The following IL2 variants were observed in gnomAD, a reference collection of about 807,000 sequenced individuals.
IL2 encodes the protein interleukin-2.
A neutral mutation model predicts 14.6 loss-of-function variants in IL2; 3 were observed. The ratio of observed to expected loss-of-function variants is 0.21; its 90% CI spans 0.09 to 0.53. IL2 has a LOEUF of 0.53. IL2 is among the 20% of genes least tolerant of loss of function. The pLI, the probability that IL2 is intolerant of heterozygous loss-of-function variation, is 0.95. For synonymous variants in IL2, 71 were observed against 60.0 expected, an observed-to-expected ratio of 1.18 and a Z score of -0.85; for missense variants, 125 against 170.8, an observed-to-expected ratio of 0.73 and a Z score of 1.50.
chr4:122,453,414 A>G (rs576970752), intron 3 of IL2, among the ~76,000 whole-genome samples: 55 of 152,000 alleles, frequency 3.6e-4, no homozygotes, highest in Non-Finnish European at 6.2e-4. Flanking sequence ...CTTTCTGTGA[A>G]ACTCAACTCA....
At chr4:122,453,588 G>A in intron 3 of IL2, 122 bp downstream of exon 3, 1 of 720,148 alleles carries the variant, frequency 1.4e-6, no homozygotes, top group Non-Finnish European at 2.3e-6. Context: ...TTAAAATGTA[G>A]GCTAATTACA....
chr4:122,454,080 A>C (rs1053434177), intron 2 of IL2, among the ~76,000 whole-genome samples: 3 of 151,866 alleles, frequency 2.0e-5, no homozygotes, highest in Non-Finnish European at 4.4e-5. Flanking sequence ...GTTTTAGCTT[A>C]ATTTGGCTTT....
At position 122,453,731 on chromosome 4, in the gene IL2, G is replaced by A. The variant is rs1580834431; in HGVS notation, c.330C>T (p.Asn110=). Reference sequence around the variant, plus strand: ...TTACCTTTAGTTCCAGAACTATTACGTTGATATTGCTGATTAAGTCCCTGG... The same window carrying A: ...TTACCTTTAGTTCCAGAACTATTACATTGATATTGCTGATTAAGTCCCTGG... The part of the protein sequence containing the change: ...LRPRDLISNI[N]VIVLELKGSE... The change falls in exon 3 of 4, where the codon AAC becomes AAT. Residue 110 remains asparagine, a synonymous_variant. Transcript: ENST00000226730. 7.5e-6 allele frequency: 12 copies of A among 1,607,704 alleles called. No individual in the cohort carries two copies. Among genetic ancestry groups the A allele is most frequent in the East Asian group, 4.5e-5 (2 of 44,610 alleles).
chr4:122,453,942 G>A, intron 2 of IL2, 89 bp from the exon 3 acceptor site: 2 of 1,174,598 alleles, frequency 1.7e-6, no homozygotes, highest in Non-Finnish European at 2.4e-6. Flanking sequence ...GTAGCAGTAT[G>A]TAGTTTTTAC....
rs548517911 is a variant in IL2, at chr4:122,455,343, C to G, written c.207+801G>C. Among the ~76,000 whole-genome samples the G allele has an allele frequency of 5.3e-5, 8 of 151,938 alleles. No homozygotes were observed. In the South Asian group the frequency reaches 1.7e-3, roughly 31 times the overall value. On this transcript the variant is annotated intron_variant, in intron 2 of 3. Transcript: ENST00000226730. The stretch of plus-strand genomic sequence containing the variant: ...GAGCTTGGATGATTATGCTTATGCT[C>G]TATCTGAATCCAAAAACAACCTAAT...
intron 2 of IL2, 150 bp downstream of exon 2, chr4:122,455,994 G>T: frequency 9.7e-5 from 47 of 486,960 alleles, no homozygotes; most frequent in East Asian, 1.9e-4. Flanking sequence ...TGTTTTAATA[G>T]AGGCTTCATT....
Position 122,456,433 on chromosome 4 carries a change from C to G in IL2, c.8G>C (p.Arg3Thr). 6.2e-7 allele frequency: 1 copy of G among 1,608,430 alleles called. No homozygotes were observed. Among genetic ancestry groups the G allele is most frequent in the East Asian group, 2.2e-5 (1 of 44,774 alleles). The change falls in exon 1 of 4, where the codon AGG becomes ACG. Residue 3 changes from arginine to threonine, a missense_variant. By Grantham distance (71) the Arg-to-Thr change is moderately conservative. Transcript: ENST00000226730. MYRMQLLSCIALS... is the reference protein window; with the variant it reads MYTMQLLSCIALS... ...TGCAATGCAAGACAGGAGTTGCATC[C>G]TGTACATTGTGGCAGGAGTTGAGGT... is the stretch of plus-strand genomic sequence containing the variant.
At chr4:122,455,403 A>C (rs1180537486) in intron 2 of IL2, among the ~76,000 whole-genome samples, 2 of 151,932 alleles carry the variant, frequency 1.3e-5, no homozygotes, top group Non-Finnish European at 2.9e-5. Context: ...GTCATATAGC[A>C]TTATAAATCT....
intron 2 of IL2, among the ~76,000 whole-genome samples, chr4:122,454,453 AAAATTAT>A (rs1436932668): frequency 6.6e-6 from 1 of 151,820 alleles, no homozygotes; most frequent in African/African-American, 2.4e-5. Context: ...AGTGAAATAA[AAAATTAT>A]AATACTTTGG....
At chr4:122,456,270 T>C (rs1415996376) in intron 1 of IL2, 24 bp downstream of exon 1, 2 of 1,599,652 alleles carry the variant, frequency 1.3e-6, no homozygotes, top group Non-Finnish European at 1.7e-6. Flanking sequence ...GTAATAATTT[T>C]AGTAAGAAAG....
Position 122,456,279 on chromosome 4 carries a change from A to G in IL2, c.147+15T>C. Reference sequence around the variant, plus strand: ...CTAAATGTAATAATTTTAGTAAGAAAGGAAATATACTTACATTAATTCCAT... The same window carrying G: ...CTAAATGTAATAATTTTAGTAAGAAGGGAAATATACTTACATTAATTCCAT... On this transcript the variant is annotated intron_variant, in intron 1 of 3. Transcript: ENST00000226730. 6.2e-7 allele frequency: 1 copy of G among 1,600,426 alleles called. No homozygotes were observed. Among genetic ancestry groups the G allele is most frequent in the Non-Finnish European group, 8.6e-7 (1 of 1,168,546 alleles).
rs2069766 is a variant in IL2, at chr4:122,455,811, T to A, written c.207+333A>T. Among the ~76,000 whole-genome samples, 141 of 152,052 alleles carry A rather than the reference T, an allele frequency of 9.3e-4. 2 individuals carry two copies. Among genetic ancestry groups the A allele is most frequent in the African/African-American group, 3.1e-3 (129 of 41,546 alleles). On this transcript the variant is annotated intron_variant, in intron 2 of 3. Coordinates refer to ENST00000226730, the MANE Select transcript of IL2 (RefSeq NM_000586.4). ...GCTCCTTGGAAATAGATTTTGGTAT[T>A]TTACATACTAAAATGACATAATCAA...
intron 3 of IL2, 57 bp from the exon 4 acceptor site, chr4:122,451,919 T>G: frequency 1.4e-6 from 1 of 731,140 alleles, no homozygotes; most frequent in South Asian, 2.9e-5. Context: ...TTATATACAG[T>G]TATTCCCAAT....
chr4:122,455,062 A>G (rs112409235), intron 2 of IL2, among the ~76,000 whole-genome samples: 104 of 151,964 alleles, frequency 6.8e-4, no homozygotes, highest in African/African-American at 2.4e-3. Context: ...CTGGAGTTGC[A>G]TTATGTGGCT....
chr4:122,451,978 T>C (rs2069772), intron 3 of IL2, 116 bp from the exon 4 acceptor site: 95,718 of 398,536 alleles, frequency 0.24, 13,724 homozygotes, highest in Non-Finnish European at 0.28. Flanking sequence ...ACCAAACATA[T>C]TAATTATTCA....
At position 122,456,715 on chromosome 4, in the gene IL2, T is replaced by A. The variant is rs1001518101; in HGVS notation, c.-275A>T. 7 of 306,324 alleles carry A rather than the reference T, an allele frequency of 2.3e-5. No homozygotes were observed. The highest frequency in any genetic ancestry group is 3.6e-5 in the Non-Finnish European group (6 of 166,124). 19.0% of individuals were successfully genotyped at this position (306,324 alleles called of 1,614,324 possible). A position where few individuals can be genotyped will look rare whatever the true frequency, so the allele number is the denominator to read the frequency against. ...CCCTCTTTGTTACATTAGCCCACAC[T>A]TAGGTGATAGCTCTAATTCATGCAA... On this transcript the variant is annotated 5_prime_UTR_variant, in exon 1 of 4. In the 5' UTR this introduces an upstream ATG that the reference lacks. Coordinates refer to ENST00000226730, the MANE Select transcript of IL2 (RefSeq NM_000586.4).
chr4:122,451,891 A>G, intron 3 of IL2, 29 bp from the exon 4 acceptor site: 1 of 1,225,482 alleles, frequency 8.2e-7, no homozygotes, highest in Non-Finnish European at 1.2e-6. Context: ...AATTTTTTAA[A>G]GTACAGAGTA....
chr4:122,452,065 C>T (rs1233345011), intron 3 of IL2, among the ~76,000 whole-genome samples: 1 of 151,988 alleles, frequency 6.6e-6, no homozygotes, highest in Non-Finnish European at 1.5e-5. Flanking sequence ...AACACAGAAG[C>T]TGAGATTTTC....
intron 3 of IL2, 126 bp downstream of exon 3, chr4:122,453,584 T>G: frequency 2.8e-6 from 2 of 705,282 alleles, no homozygotes; most frequent in South Asian, 3.8e-5. Flanking sequence ...GTACTTAAAA[T>G]GTAGGCTAAT....
Sources: allele counts gnomAD v4.1 joint callset (sites outside exome capture counted in the v4.1 genomes callset), GRCh38; gene constraint gnomAD v4.1.1; transcripts MANE v1.5; gene names NCBI Gene and HGNC (gene_info 2026-07-23, HGNC 2026-07-21).